The following GRID2 variants were observed in gnomAD, a reference collection of about 807,000 sequenced individuals.
GRID2 encodes the protein glutamate ionotropic receptor delta type subunit 2.
GRID2 carries 33 observed loss-of-function variants against 114.8 expected under a neutral mutation model. That is an observed-to-expected ratio of 0.29 (90% CI 0.22 to 0.38). The LOEUF is 0.38. Among genes scored for constraint, GRID2 ranks in the 10% least tolerant of loss-of-function variants. The pLI is 1.00. For missense variants in GRID2, 1,184 were observed against 1,257.7 expected (o/e 0.94, Z 0.89); for synonymous variants, 505 against 449.9 (o/e 1.12, Z -1.55).
intron 8 of GRID2, among the ~76,000 whole-genome samples, chr4:93,259,499 T>TA (rs1750005697): frequency 6.6e-6 from 1 of 151,840 alleles, no homozygotes; most frequent in African/African-American, 2.4e-5. Flanking sequence ...TGATAGGCTT[T>TA]TTACATACAT....
intron 1 of GRID2, among the ~76,000 whole-genome samples, chr4:92,383,964 T>A (rs1729740996): frequency 6.6e-6 from 1 of 152,120 alleles, no homozygotes; most frequent in Middle Eastern, 3.4e-3. Flanking sequence ...TTTAAGATGG[T>A]AAAGTAGCCT....
At chr4:93,457,749 T>C (rs898600472) in intron 11 of GRID2, among the ~76,000 whole-genome samples, 9 of 152,112 alleles carry the variant, frequency 5.9e-5, no homozygotes, top group Non-Finnish European at 1.0e-4. Flanking sequence ...GATAAAGTTT[T>C]ATCCTAGGTT....
At position 92,931,355 on chromosome 4, in the gene GRID2, C is replaced by T. The variant is rs1750221208; in HGVS notation, c.245-153640C>T. ...CTTTTCTGAAGGGCATTTATGAAAACCTTACAGCTAGCTAATTTATTGTTA... is the reference window on the plus strand; with the variant it reads ...CTTTTCTGAAGGGCATTTATGAAAATCTTACAGCTAGCTAATTTATTGTTA... On this transcript the variant is annotated intron_variant, in intron 2 of 15. Coordinates refer to ENST00000282020, the MANE Select transcript of GRID2 (RefSeq NM_001510.4). Among the ~76,000 whole-genome samples, 7 of 150,730 alleles carry T rather than the reference C, an allele frequency of 4.6e-5. No homozygotes were observed. The South Asian group carries it at 1.5e-3, about 31-fold the overall frequency.
chr4:93,806,027 G>A (rs1735021957), intron 1 of GRID2, among the ~76,000 whole-genome samples: 2 of 152,204 alleles, frequency 1.3e-5, no homozygotes, highest in South Asian at 4.2e-4. Context: ...AATCCCAGAG[G>A]TGGAGGTTGC....
intron 1 of GRID2, among the ~76,000 whole-genome samples, chr4:92,340,360 T>C (rs1232848464): frequency 1.3e-5 from 2 of 152,160 alleles, no homozygotes; most frequent in East Asian, 3.9e-4. Context: ...AGTAAATTTG[T>C]ATGATGTTAT....
intron 2 of GRID2, among the ~76,000 whole-genome samples, chr4:92,933,184 C>T: frequency 6.7e-6 from 1 of 150,156 alleles, no homozygotes; most frequent in African/African-American, 2.4e-5. Flanking sequence ...TGTAATGTTT[C>T]CCTTAAATTT....
chr4:92,462,006 G>T (rs1160779096), intron 1 of GRID2, among the ~76,000 whole-genome samples: 2 of 151,972 alleles, frequency 1.3e-5, no homozygotes, highest in African/African-American at 4.8e-5. Flanking sequence ...CAAATAGAAT[G>T]CATGGAGCAT....
intron 14 of GRID2, among the ~76,000 whole-genome samples, chr4:93,658,980 C>T (rs1340485976): frequency 6.6e-6 from 1 of 152,038 alleles, no homozygotes; most frequent in Non-Finnish European, 1.5e-5. Context: ...ACTCCAGGGC[C>T]CTGGAGCAAG....
At chr4:93,368,249 T>A (rs1323803940) in intron 8 of GRID2, among the ~76,000 whole-genome samples, 3 of 151,910 alleles carry the variant, frequency 2.0e-5, no homozygotes, top group Admixed American at 6.6e-5. Context: ...TTACCAGAAA[T>A]AAAAAAAGTA....
At chr4:92,321,744 C>A (rs1726326059) in intron 1 of GRID2, among the ~76,000 whole-genome samples, 1 of 151,992 alleles carries the variant, frequency 6.6e-6, no homozygotes, top group South Asian at 2.1e-4. Context: ...AATGAGTTGA[C>A]CCAGTCAAAA....
intron 2 of GRID2, among the ~76,000 whole-genome samples, chr4:92,724,882 G>T (rs1735992287): frequency 6.6e-6 from 1 of 152,138 alleles, no homozygotes; most frequent in Non-Finnish European, 1.5e-5. Context: ...TATAGAATTT[G>T]AAGAACAAAG....
At chr4:92,469,633 G>T (rs1187148353) in intron 1 of GRID2, among the ~76,000 whole-genome samples, 1 of 151,834 alleles carries the variant, frequency 6.6e-6, no homozygotes, top group Non-Finnish European at 1.5e-5. Flanking sequence ...ACAGAAGGCC[G>T]ATTGTAACCG....
intron 1 of GRID2, among the ~76,000 whole-genome samples, chr4:92,511,584 T>C (rs1260671278): frequency 6.6e-6 from 1 of 151,872 alleles, no homozygotes; most frequent in Admixed American, 6.6e-5. Context: ...TCAAGTATGA[T>C]GAAGACTGAT....
chr4:93,172,243 A>G (rs1738901051), intron 4 of GRID2, among the ~76,000 whole-genome samples: 1 of 152,184 alleles, frequency 6.6e-6, no homozygotes, highest in Non-Finnish European at 1.5e-5. Flanking sequence ...ATTGTCATGG[A>G]TACTGACAGG....
chr4:92,358,115 A>G (rs1006498875), intron 1 of GRID2, among the ~76,000 whole-genome samples: 5 of 151,924 alleles, frequency 3.3e-5, no homozygotes, highest in Non-Finnish European at 2.9e-5. Flanking sequence ...AAGGACCAGC[A>G]CAAGTCAAAA....
intron 1 of GRID2, among the ~76,000 whole-genome samples, chr4:92,549,982 A>G (rs1324939888): frequency 6.6e-6 from 1 of 152,158 alleles, no homozygotes; most frequent in Admixed American, 6.6e-5. Context: ...AGAACTCATT[A>G]AATAAAATGC....
intron 2 of GRID2, among the ~76,000 whole-genome samples, chr4:92,762,450 A>T (rs1012979989): frequency 3.0e-4 from 9 of 29,756 alleles, no homozygotes; most frequent in African/African-American, 1.2e-3. Context: ...GCTAAAATTA[A>T]AAAAAAAAAA....
Position 92,682,083 on chromosome 4 carries a change from GTCT to G in GRID2, c.244+91799_244+91801del, listed in dbSNP as rs1161767434. 1.7e-4 allele frequency among the ~76,000 whole-genome samples: 14 copies of G among 80,188 alleles called. No individual in the cohort carries two copies. In the African/African-American group the frequency reaches 2.1e-3, roughly 12 times the overall value. The allele number at this position is 80,188 out of a possible 152,430, so 52.6% of individuals were successfully genotyped here. On this transcript the variant is annotated intron_variant, in intron 2 of 15. Coordinates refer to ENST00000282020, the MANE Select transcript of GRID2 (RefSeq NM_001510.4). Reference sequence around the variant, plus strand: ...TGGAGGTAACGGAAAGAGAGAAAGAGTCTTTTTTTTTTTAATATACTTAAAAGA... The same window carrying G: ...TGGAGGTAACGGAAAGAGAGAAAGAGTTTTTTTTTTAATATACTTAAAAGA...
intron 1 of GRID2, 72 bp from the exon 2 acceptor site, chr4:92,590,059 C>T: frequency 9.7e-7 from 1 of 1,027,672 alleles, no homozygotes; most frequent in Non-Finnish European, 1.5e-6. Flanking sequence ...CATAAGTCTC[C>T]TTGTCATATT....
Sources: gnomAD v4.1 joint callset for allele counts (sites outside exome capture counted in the v4.1 genomes callset) on GRCh38, gnomAD v4.1.1 for gene constraint, MANE v1.5 for transcripts, NCBI Gene and HGNC (gene_info 2026-07-23, HGNC 2026-07-21) for gene names.